Variants in G3BP1 observed in about 807,000 individuals in gnomAD.
G3BP1 encodes the protein ras GTPase-activating protein-binding protein 1.
Under a neutral mutation model 58.6 loss-of-function variants are expected in G3BP1, and 35 were observed. That is an observed-to-expected ratio of 0.60 (90% confidence interval 0.46 to 0.79). G3BP1 has a LOEUF of 0.79. Ranked by LOEUF, G3BP1 falls within the 30% of genes least tolerant of loss-of-function variation. G3BP1 has a pLI of 0.00. For synonymous variants in G3BP1, 191 were observed against 195.4 expected (o/e 0.98, Z 0.19); for missense variants, 523 against 580.8 (o/e 0.90, Z 1.02).
intron 4 of G3BP1, among the ~76,000 whole-genome samples, chr5:151,793,391 G>C (rs1423956478): frequency 6.6e-6 from 1 of 152,196 alleles, no homozygotes; most frequent in African/African-American, 2.4e-5. Context: ...TTGCAGGCAT[G>C]AGCCACTGTG....
At chr5:151,800,890 ATT>A (rs200261823) in intron 11 of G3BP1, 21 bp downstream of exon 11, 30,726 of 820,650 alleles carry the variant, frequency 0.037, no homozygotes, top group South Asian at 0.06. Flanking sequence ...TTTTGTCTTG[ATT>A]TTTTTTTTTT....
chr5:151,803,089 C>G (rs1762881647), intron 11 of G3BP1, among the ~76,000 whole-genome samples: 1 of 152,142 alleles, frequency 6.6e-6, no homozygotes, highest in South Asian at 2.1e-4. Flanking sequence ...ACTACTTTGG[C>G]TCTGTTAGGA....
chr5:151,788,972 C>A (rs1220363200), intron 2 of G3BP1, among the ~76,000 whole-genome samples: 1 of 152,034 alleles, frequency 6.6e-6, no homozygotes, highest in African/African-American at 2.4e-5. Context: ...AGACGGTTTC[C>A]CTGTGTTGGT....
Position 151,786,599 on chromosome 5 carries a change from C to G in G3BP1, c.-22C>G. On this transcript the variant is annotated 5_prime_UTR_variant, in exon 2 of 12. Transcript: ENST00000356245. ...TTGGACATATTTGACTCTTTTCCCC[C>G]CAGGTTGAATTGACCAAAGCAATGG... The G allele has an allele frequency of 2.0e-6, 3 of 1,519,042 alleles. No individual in the cohort carries two copies. Among genetic ancestry groups the G allele is most frequent in the Non-Finnish European group, 2.7e-6 (3 of 1,093,522 alleles). 94.1% of individuals were successfully genotyped at this position (1,519,042 alleles called of 1,614,324 possible). A position where few individuals can be genotyped will look rare whatever the true frequency, so the allele number is the denominator to read the frequency against.
chr5:151,800,422 C>A, intron 10 of G3BP1, 76 bp downstream of exon 10: 1 of 1,030,416 alleles, frequency 9.7e-7, no homozygotes, highest in South Asian at 1.7e-5. Context: ...GAAAATGAGC[C>A]ACATATGTAA....
At chr5:151,782,395 C>A (rs1762484026) in intron 1 of G3BP1, among the ~76,000 whole-genome samples, 1 of 152,178 alleles carries the variant, frequency 6.6e-6, no homozygotes, top group Admixed American at 6.5e-5. Flanking sequence ...ATATTTTACT[C>A]ATGTTAAAGG....
intron 1 of G3BP1, among the ~76,000 whole-genome samples, chr5:151,779,357 G>T (rs1039266483): frequency 7.3e-5 from 11 of 151,116 alleles, no homozygotes; most frequent in Admixed American, 2.0e-4. Flanking sequence ...TGAGGTTCTG[G>T]TTTTTTTTTG....
rs750811724 is a variant in G3BP1, at chr5:151,797,278, T to TCCTGAA, written c.594_599dup (p.Pro202_Glu203dup). The TCCTGAA allele has an allele frequency of 1.5e-5, 25 of 1,613,160 alleles. No homozygotes were observed. The highest frequency in any genetic ancestry group is 1.7e-6 in the Non-Finnish European group (2 of 1,179,304). On this transcript the variant is annotated inframe_insertion, in exon 7 of 12. Transcript: ENST00000356245. ...AGCCTGTTGCTGAACCAGAGCCTGA[T>TCCTGAA]CCTGAACCAGAACCAGAACAAGAAC...
At chr5:151,783,557 T>C (rs1354897676) in intron 1 of G3BP1, among the ~76,000 whole-genome samples, 2 of 151,660 alleles carry the variant, frequency 1.3e-5, no homozygotes, top group Non-Finnish European at 2.9e-5. Context: ...GCCTGGCTAA[T>C]TTTTTGTATT....
chr5:151,799,647 T>C (rs1008403173), intron 8 of G3BP1, among the ~76,000 whole-genome samples: 1 of 151,446 alleles, frequency 6.6e-6, no homozygotes, highest in African/African-American at 2.4e-5. Context: ...ATTGTGCCAC[T>C]GCACTGCATC....
chr5:151,788,615 T>TGTGTGTGTGTGTGTGTGTGTGTG (rs1276643889), intron 2 of G3BP1, among the ~76,000 whole-genome samples: 1 of 147,228 alleles, frequency 6.8e-6, no homozygotes, highest in African/African-American at 2.6e-5. Flanking sequence ...TGTGTGTGTA[T>TGTGTGTGTGTGTGTGTGTGTGTG]TATTTATTTA....
At chr5:151,773,006 T>G (rs891672915) in intron 1 of G3BP1, among the ~76,000 whole-genome samples, 1 of 152,214 alleles carries the variant, frequency 6.6e-6, no homozygotes, top group Non-Finnish European at 1.5e-5. Flanking sequence ...TGGGTAGATG[T>G]GCCGCCACCG....
chr5:151,782,220 G>A (rs1007879950), intron 1 of G3BP1, among the ~76,000 whole-genome samples: 40 of 152,160 alleles, frequency 2.6e-4, no homozygotes, highest in African/African-American at 8.2e-4. Context: ...AAGAATTGAG[G>A]TGAGAGAGAT....
chr5:151,785,889 C>T (rs1321459436), intron 1 of G3BP1, among the ~76,000 whole-genome samples: 1 of 152,108 alleles, frequency 6.6e-6, no homozygotes, highest in Non-Finnish European at 1.5e-5. Flanking sequence ...TAGTTTGTCC[C>T]CGGATGTCAA....
At chr5:151,791,101 A>G (rs952003821) in intron 4 of G3BP1, 39 bp downstream of exon 4, 2 of 1,498,742 alleles carry the variant, frequency 1.3e-6, no homozygotes, top group African/African-American at 1.4e-5. Flanking sequence ...GATCCAATAC[A>G]TGAAAAAAGA....
intron 11 of G3BP1, among the ~76,000 whole-genome samples, chr5:151,802,017 A>G (rs543034506): frequency 6.6e-6 from 1 of 152,144 alleles, no homozygotes; most frequent in East Asian, 1.9e-4. Flanking sequence ...GGGCTTCCCC[A>G]TGTTAACCAG....
chr5:151,787,773 T>C (rs939934274), intron 2 of G3BP1: 7 of 273,420 alleles, frequency 2.6e-5, no homozygotes, highest in Admixed American at 4.4e-5. Context: ...AGCTTGCATA[T>C]TGGATACCAC....
chr5:151,785,086 G>A (rs1361817785), intron 1 of G3BP1, among the ~76,000 whole-genome samples: 4 of 152,144 alleles, frequency 2.6e-5, no homozygotes, highest in Admixed American at 1.3e-4. Context: ...AACTAATGAC[G>A]AAATGATCCA....
chr5:151,793,874 C>G (rs1214710527), intron 4 of G3BP1, among the ~76,000 whole-genome samples: 1 of 150,892 alleles, frequency 6.6e-6, no homozygotes, highest in Non-Finnish European at 1.5e-5. Context: ...ATTAGCCTTG[C>G]ATGGTGGCGC....
Sources: gnomAD v4.1 joint callset for allele counts (sites outside exome capture counted in the v4.1 genomes callset) on GRCh38, gnomAD v4.1.1 for gene constraint, MANE v1.5 for transcripts, NCBI Gene and HGNC (gene_info 2026-07-23, HGNC 2026-07-21) for gene names.